GRID1: variants seen among roughly 807,000 people sequenced by gnomAD.
The protein encoded by GRID1 is glutamate receptor ionotropic, delta-1.
In GRID1, 28 loss-of-function variants were observed where a neutral mutation model predicts 98.0. The ratio of observed to expected loss-of-function variants is 0.29; its 90% CI spans 0.21 to 0.39. GRID1 has a LOEUF of 0.39. GRID1 is among the 10% of genes least tolerant of loss of function. The probability of loss-of-function intolerance (pLI) is 1.00; values close to 1 mark genes in which losing one functional copy is unlikely to be tolerated. For synonymous variants in GRID1, 553 were observed against 538.5 expected, an observed-to-expected ratio of 1.03 and a Z score of -0.37; for missense variants, 1,111 against 1,340.5, an observed-to-expected ratio of 0.83 and a Z score of 2.67.
intron 3 of GRID1, among the ~76,000 whole-genome samples, chr10:86,170,664 C>T (rs1457213188): frequency 6.6e-6 from 1 of 151,648 alleles, no homozygotes; most frequent in Non-Finnish European, 1.5e-5. Flanking sequence ...CACACAAACA[C>T]ACCCACACAC....
intron 4 of GRID1, among the ~76,000 whole-genome samples, chr10:86,045,680 G>A (rs534646742): frequency 2.0e-5 from 3 of 152,154 alleles, no homozygotes; most frequent in South Asian, 2.1e-4. Context: ...GCGAGGCACC[G>A]AGTGGTGGTT....
Position 86,345,959 on chromosome 10 carries a change from A to G in GRID1, c.235+17982T>C, listed in dbSNP as rs555631488. 3.3e-5 allele frequency among the ~76,000 whole-genome samples: 5 copies of G among 152,246 alleles called. No individual in the cohort carries two copies. In the East Asian group the frequency reaches 9.7e-4, roughly 29 times the overall value. On this transcript the variant is annotated intron_variant, in intron 2 of 15. Coordinates refer to ENST00000327946, the MANE Select transcript of GRID1 (RefSeq NM_017551.3). ...TTCACCTGACCAACCACTGTTCCAC[A>G]CTTAAGACTCAGCTCAGAAGTCACT... is the stretch of plus-strand genomic sequence containing the variant.
intron 8 of GRID1, among the ~76,000 whole-genome samples, chr10:85,852,510 G>A (rs1453397493): frequency 6.6e-6 from 1 of 152,240 alleles, no homozygotes; most frequent in Admixed American, 6.5e-5. Context: ...GACCTCCACA[G>A]CCAGCATTCC....
chr10:85,853,819 G>A (rs192548470), intron 8 of GRID1, among the ~76,000 whole-genome samples: 1 of 152,258 alleles, frequency 6.6e-6, no homozygotes, highest in African/African-American at 2.4e-5. Context: ...TAACTTTGGG[G>A]ATCCCCACCC....
At chr10:86,003,471 A>C (rs565957073) in intron 4 of GRID1, among the ~76,000 whole-genome samples, 18 of 152,354 alleles carry the variant, frequency 1.2e-4, no homozygotes, top group African/African-American at 4.3e-4. Flanking sequence ...TTCAGTGACT[A>C]ATCAGGGAAG....
intron 8 of GRID1, among the ~76,000 whole-genome samples, chr10:85,853,441 G>A (rs1441522005): frequency 6.6e-6 from 1 of 152,196 alleles, no homozygotes; most frequent in Admixed American, 6.5e-5. Context: ...AGTGTGTGAA[G>A]TGTGTACGTG....
chr10:85,996,521 A>C (rs770310755), intron 4 of GRID1, among the ~76,000 whole-genome samples: 3 of 152,246 alleles, frequency 2.0e-5, no homozygotes, highest in Admixed American at 6.5e-5. Context: ...AAGACACATC[A>C]ATAGTAATGA....
At chr10:85,773,351 G>A (rs61855961) in intron 8 of GRID1, among the ~76,000 whole-genome samples, 10 of 151,994 alleles carry the variant, frequency 6.6e-5, no homozygotes, top group Admixed American at 1.3e-4. Flanking sequence ...TCTATGACAA[G>A]CCCACAGCCA....
At chr10:86,151,603 A>G (rs1209134964) in intron 3 of GRID1, among the ~76,000 whole-genome samples, 5 of 152,214 alleles carry the variant, frequency 3.3e-5, no homozygotes, top group Admixed American at 6.5e-5. Context: ...GTGACATTAC[A>G]CAGTGAAATG....
intron 5 of GRID1, among the ~76,000 whole-genome samples, chr10:85,871,166 C>T (rs528134923): frequency 7.9e-4 from 121 of 152,250 alleles, no homozygotes; most frequent in African/African-American, 2.7e-3. Context: ...TCCTCCTAGC[C>T]GACGAACATC....
At chr10:85,827,109 A>C (rs527886773) in intron 8 of GRID1, among the ~76,000 whole-genome samples, 1 of 152,334 alleles carries the variant, frequency 6.6e-6, no homozygotes, top group African/African-American at 2.4e-5. Flanking sequence ...TTCGCCAGCA[A>C]TGGTTCTTAA....
At chr10:86,248,982 C>G (rs1167329264) in intron 2 of GRID1, among the ~76,000 whole-genome samples, 1 of 152,228 alleles carries the variant, frequency 6.6e-6, no homozygotes, top group Non-Finnish European at 1.5e-5. Context: ...CCCTCAGTTT[C>G]CCAGGGAGAA....
At chr10:86,077,801 G>A (rs893138605) in intron 4 of GRID1, among the ~76,000 whole-genome samples, 1 of 152,190 alleles carries the variant, frequency 6.6e-6, no homozygotes, top group African/African-American at 2.4e-5. Context: ...GACAAATCAT[G>A]GATGGGAAAA....
chr10:86,136,142 C>T (rs775807560), intron 4 of GRID1, among the ~76,000 whole-genome samples: 2 of 152,196 alleles, frequency 1.3e-5, no homozygotes, highest in Non-Finnish European at 2.9e-5. Context: ...GCTCAAGAAG[C>T]CCATGCAATG....
At position 85,625,028 on chromosome 10, in the gene GRID1, T is replaced by G. The variant is rs148392373; in HGVS notation, c.2194-4995A>C. On this transcript the variant is annotated intron_variant, in intron 13 of 15. Coordinates refer to ENST00000327946, the MANE Select transcript of GRID1 (RefSeq NM_017551.3). ...ATATATAGACATATATATGAATACT[T>G]AAGGAAAGTGGCAGAAATAATAGGA... 3.9e-3 allele frequency among the ~76,000 whole-genome samples: 596 copies of G among 152,288 alleles called. 6 individuals are homozygous for G. The highest frequency in any genetic ancestry group is 0.014 in the African/African-American group (569 of 41,566).
At chr10:86,108,450 A>G (rs1844427001) in intron 4 of GRID1, among the ~76,000 whole-genome samples, 1 of 152,120 alleles carries the variant, frequency 6.6e-6, no homozygotes, top group South Asian at 2.1e-4. Flanking sequence ...GCTTTGTCCT[A>G]TTTTTCTCCT....
At chr10:86,203,688 T>C (rs1302950236) in intron 3 of GRID1, among the ~76,000 whole-genome samples, 1 of 151,722 alleles carries the variant, frequency 6.6e-6, no homozygotes, top group Non-Finnish European at 1.5e-5. Context: ...CCAGAAGGGC[T>C]AGCACCCTGG....
intron 12 of GRID1, among the ~76,000 whole-genome samples, chr10:85,697,129 A>G (rs1224294339): frequency 6.6e-6 from 1 of 152,154 alleles, no homozygotes; most frequent in Non-Finnish European, 1.5e-5. Flanking sequence ...ATAAATGTCA[A>G]TTATGTCAAG....
At position 86,109,058 on chromosome 10, in the gene GRID1, A is replaced by G. The variant is rs576232081; in HGVS notation, c.726+29761T>C. ...CAAACATTCGTTCCACCTTCCCTTC[A>G]TCGACCTTTTCTTCTGTTCTCCTGA... On this transcript the variant is annotated intron_variant, in intron 4 of 15. Transcript: ENST00000327946. Among the ~76,000 whole-genome samples, 14 of 152,178 alleles carry G rather than the reference A, an allele frequency of 9.2e-5. 1 individual carries two copies. In the South Asian group the frequency reaches 2.9e-3, roughly 32 times the overall value.
Sources: allele counts gnomAD v4.1 joint callset (sites outside exome capture counted in the v4.1 genomes callset), GRCh38; gene constraint gnomAD v4.1.1; transcripts MANE v1.5; gene names NCBI Gene and HGNC (gene_info 2026-07-23, HGNC 2026-07-21).